The following CD5 variants were observed in gnomAD, a reference collection of about 807,000 sequenced individuals.
CD5 encodes the protein CD5 molecule, also known as T-cell surface glycoprotein CD5.
CD5 carries 36 observed loss-of-function variants against 60.3 expected under a neutral mutation model. The ratio of observed to expected loss-of-function variants is 0.60; its 90% CI spans 0.46 to 0.79. The LOEUF (loss-of-function observed/expected upper bound fraction) is 0.79, where lower values mean the gene tolerates loss of function less well. CD5 is among the 30% of genes least tolerant of loss of function. The pLI, the probability that CD5 is intolerant of heterozygous loss-of-function variation, is 0.00. For missense variants in CD5, 540 were observed against 630.6 expected (o/e 0.86, Z 1.54); for synonymous variants, 230 against 257.6 (o/e 0.89, Z 1.03).
At chr11:61,100,944 A>G (rs1248349662), upstream of CD5, among the ~76,000 whole-genome samples, 18 of 140,032 alleles carry the variant, frequency 1.3e-4, no homozygotes, top group Admixed American at 9.8e-4. Context: ...CAACATGGAG[A>G]TTACACACAC....
chr11:61,104,106 TGTGTGGGGGGAATGTGTGA>T (rs1393354882), intron 1 of CD5, among the ~76,000 whole-genome samples: 1 of 144,778 alleles, frequency 6.9e-6, no homozygotes, highest in Admixed American at 7.0e-5. Flanking sequence ...GTGTGAGTAC[TGTGTGGGGGGAATGTGTGA>T]GTCTGTGTGT....
upstream of CD5, among the ~76,000 whole-genome samples, chr11:61,100,341 ACAT>A (rs371161262): frequency 2.6e-5 from 3 of 114,070 alleles, no homozygotes; most frequent in African/African-American, 3.2e-5. Flanking sequence ...TCACACACAC[ACAT>A]CAACATGGAG....
At chr11:61,106,544 G>A (rs1284127816) in intron 1 of CD5, among the ~76,000 whole-genome samples, 3 of 152,178 alleles carry the variant, frequency 2.0e-5, no homozygotes, top group Non-Finnish European at 4.4e-5. Context: ...GGGGGCCCAG[G>A]AAGGGACCTG....
Position 61,125,735 on chromosome 11 carries a change from T to C in CD5, c.1400-16T>C, listed in dbSNP as rs910296548. 1 of 1,594,318 alleles carries C rather than the reference T, an allele frequency of 6.3e-7. No individual in the cohort carries two copies. The highest frequency in any genetic ancestry group is 8.6e-7 in the Non-Finnish European group (1 of 1,164,988). ...AGTCAAAAACCCTCTGCAAACAGCG[T>C]CCTTTCTTTCCCCAGCTCTGGAAGG... is the stretch of plus-strand genomic sequence containing the variant. On this transcript the variant is annotated splice_polypyrimidine_tract_variant and intron_variant, in intron 9 of 10. Coordinates refer to ENST00000347785, the MANE Select transcript of CD5 (RefSeq NM_014207.4).
intron 9 of CD5, among the ~76,000 whole-genome samples, chr11:61,125,395 C>T (rs1458006650): frequency 6.6e-6 from 1 of 152,238 alleles, no homozygotes; most frequent in Non-Finnish European, 1.5e-5. Flanking sequence ...ACTCAGAAAG[C>T]CATCAACCCC....
chr11:61,122,153 G>C (rs1439264366), intron 6 of CD5, among the ~76,000 whole-genome samples: 1 of 152,092 alleles, frequency 6.6e-6, no homozygotes, highest in Non-Finnish European at 1.5e-5. Context: ...ATGAGTCATA[G>C]AACTTCTCCT....
chr11:61,101,911 TACACACACACACAC>T (rs35648034), upstream of CD5, among the ~76,000 whole-genome samples: 72 of 142,466 alleles, frequency 5.1e-4, no homozygotes, highest in Non-Finnish European at 6.0e-4. Context: ...TCTCTCTCTC[TACACACACACACAC>T]ACACACACAC....
intron 1 of CD5, among the ~76,000 whole-genome samples, chr11:61,110,959 G>A (rs1481340315): frequency 1.3e-5 from 2 of 152,132 alleles, no homozygotes; most frequent in African/African-American, 4.8e-5. Context: ...GCTCATCTGG[G>A]GACCAGACAG....
the CD5 span, among the ~76,000 whole-genome samples, chr11:61,094,029 G>T: frequency 6.6e-6 from 1 of 152,144 alleles, no homozygotes; most frequent in Non-Finnish European, 1.5e-5. Flanking sequence ...GAGGGGTTTT[G>T]TCTGTGGCTT....
intron 1 of CD5, among the ~76,000 whole-genome samples, chr11:61,109,354 G>A (rs902176769): frequency 6.6e-6 from 1 of 152,166 alleles, no homozygotes; most frequent in Non-Finnish European, 1.5e-5. Flanking sequence ...CACACACATG[G>A]CGACCGTAAG....
chr11:61,115,129 AG>A, intron 2 of CD5, 35 bp downstream of exon 2: 1 of 1,542,416 alleles, frequency 6.5e-7, no homozygotes. Flanking sequence ...GGCCTGGGGC[AG>A]GGGGAGAGTG....
chr11:61,104,620 G>C (rs915687040), intron 1 of CD5, among the ~76,000 whole-genome samples: 2 of 152,178 alleles, frequency 1.3e-5, no homozygotes, highest in Admixed American at 6.5e-5. Context: ...GGACCTCCTT[G>C]AACCCCAGGA....
the CD5 span, among the ~76,000 whole-genome samples, chr11:61,096,651 C>G: frequency 6.6e-6 from 1 of 152,214 alleles, no homozygotes; most frequent in Non-Finnish European, 1.5e-5. Flanking sequence ...CTTTACAAAG[C>G]AGGGCTCTTT....
chr11:61,100,529 ACATT>A (rs1351484098), upstream of CD5, among the ~76,000 whole-genome samples: 2 of 149,000 alleles, frequency 1.3e-5, no homozygotes, highest in Non-Finnish European at 3.0e-5. Context: ...CATGGAGATC[ACATT>A]CACACACATA....
Position 61,123,949 on chromosome 11 carries a change from C to G in CD5, c.1279+12C>G, listed in dbSNP as rs12364279. 10 of 1,609,732 alleles carry G rather than the reference C, an allele frequency of 6.2e-6. No individual in the cohort carries two copies. Among genetic ancestry groups the G allele is most frequent in the Non-Finnish European group, 8.5e-6 (10 of 1,176,642 alleles). ...AATGAACCAAAACAGTAAGTGTCCC[C>G]GGAGGCAGGAGCCTCCCTCAGGCCC... On this transcript the variant is annotated intron_variant, in intron 8 of 10. Transcript: ENST00000347785.
chr11:61,123,999 T>A (rs1590776330), intron 8 of CD5, 62 bp downstream of exon 8: 2 of 1,312,806 alleles, frequency 1.5e-6, no homozygotes, highest in Admixed American at 1.7e-5. Context: ...GGAGGCAGAG[T>A]CGAGGCTCTC....
upstream of CD5, among the ~76,000 whole-genome samples, chr11:61,101,731 C>T (rs1400887440): frequency 6.6e-6 from 1 of 151,652 alleles, no homozygotes; most frequent in Non-Finnish European, 1.5e-5. Context: ...ACAGAAATCA[C>T]ACACGTCAAC....
intron 6 of CD5, among the ~76,000 whole-genome samples, chr11:61,122,230 T>G: frequency 6.7e-6 from 1 of 150,090 alleles, no homozygotes; most frequent in Non-Finnish European, 1.5e-5. Flanking sequence ...ATTTGCTACA[T>G]GAATGGTAAC....
intron 7 of CD5, among the ~76,000 whole-genome samples, 200 bp from the exon 8 acceptor site, chr11:61,123,684 A>G (rs1861102360): frequency 6.6e-6 from 1 of 151,942 alleles, no homozygotes; most frequent in Non-Finnish European, 1.5e-5. Flanking sequence ...TCGGCACAGG[A>G]TGGCTGCAAT....
Sources: allele counts gnomAD v4.1 joint callset (sites outside exome capture counted in the v4.1 genomes callset), GRCh38; gene constraint gnomAD v4.1.1; transcripts MANE v1.5; gene names NCBI Gene and HGNC (gene_info 2026-07-23, HGNC 2026-07-21).